Variants in TCF7L2 observed in about 807,000 individuals in gnomAD.
The protein encoded by TCF7L2 is transcription factor 7 like 2.
TCF7L2 carries 23 observed loss-of-function variants against 77.9 expected under a neutral mutation model. The observed-to-expected ratio is 0.30, with a 90% CI of 0.21 to 0.42. The LOEUF (loss-of-function observed/expected upper bound fraction) is 0.42, where lower values mean the gene tolerates loss of function less well. Ranked by LOEUF, TCF7L2 falls within the 10% of genes least tolerant of loss-of-function variation. TCF7L2 has a pLI of 1.00. For missense variants in TCF7L2, 654 were observed against 793.1 expected, an observed-to-expected ratio of 0.82 and a Z score of 2.11; for synonymous variants, 413 against 340.2, an observed-to-expected ratio of 1.21 and a Z score of -2.36.
chr10:113,093,988 G>A (rs1220606138), intron 5 of TCF7L2, among the ~76,000 whole-genome samples: 2 of 152,216 alleles, frequency 1.3e-5, no homozygotes, highest in African/African-American at 2.4e-5. Context: ...CAGTGGCCGG[G>A]GATTAGCGAG....
intron 4 of TCF7L2, among the ~76,000 whole-genome samples, chr10:112,965,290 G>C (rs1216377295): frequency 6.6e-6 from 1 of 152,176 alleles, no homozygotes; most frequent in African/African-American, 2.4e-5. Flanking sequence ...AAATCCGAAG[G>C]CTAAACAAAT....
intron 5 of TCF7L2, among the ~76,000 whole-genome samples, chr10:113,060,010 C>T (rs1421088060): frequency 6.6e-6 from 1 of 152,122 alleles, no homozygotes; most frequent in Non-Finnish European, 1.5e-5. Flanking sequence ...AGATTATCCG[C>T]CCCCGGTGGA....
intron 5 of TCF7L2, among the ~76,000 whole-genome samples, chr10:113,093,095 A>T (rs2060571738): frequency 6.6e-6 from 1 of 152,222 alleles, no homozygotes; most frequent in Admixed American, 6.5e-5. Context: ...ATATTCCCGC[A>T]GTCTGCTCCA....
chr10:113,044,247 C>T (rs924555028), intron 5 of TCF7L2, among the ~76,000 whole-genome samples: 11 of 152,140 alleles, frequency 7.2e-5, no homozygotes, highest in South Asian at 6.2e-4. Context: ...AAAACTCTTA[C>T]GAAATAATGC....
chr10:113,125,472 G>GC, intron 5 of TCF7L2: 1 of 151,680 alleles, frequency 6.6e-6, no homozygotes, highest in East Asian at 2.0e-4. Flanking sequence ...TTAAGATGAT[G>GC]ATATTGTGGG....
intron 5 of TCF7L2, among the ~76,000 whole-genome samples, chr10:113,136,356 T>C (rs1221283541): frequency 1.3e-5 from 2 of 152,176 alleles, no homozygotes; most frequent in Non-Finnish European, 2.9e-5. Flanking sequence ...TGTTCTAAGC[T>C]GATGGTGGTG....
chr10:113,027,849 T>C (rs1195453847), intron 4 of TCF7L2, among the ~76,000 whole-genome samples: 2 of 152,066 alleles, frequency 1.3e-5, no homozygotes, highest in Non-Finnish European at 2.9e-5. Flanking sequence ...CAGCCCTGCT[T>C]CTCTGGGATG....
At chr10:112,956,834 C>T (rs2033740863) in intron 3 of TCF7L2, among the ~76,000 whole-genome samples, 1 of 152,062 alleles carries the variant, frequency 6.6e-6, no homozygotes, top group South Asian at 2.1e-4. Flanking sequence ...ATTCAAGGTC[C>T]GCAGACATTG....
intron 13 of TCF7L2, chr10:113,161,521 C>G: frequency 1.3e-6 from 2 of 1,529,248 alleles, no homozygotes; most frequent in Non-Finnish European, 1.8e-6. Context: ...GTCTCATTTC[C>G]TTTCTTTAAT....
intron 5 of TCF7L2, among the ~76,000 whole-genome samples, chr10:113,119,681 TA>T (rs200785657): frequency 2.4e-4 from 36 of 149,036 alleles, no homozygotes; most frequent in African/African-American, 5.1e-4. Flanking sequence ...TTTTTTTTTT[TA>T]AAAAAACTTA....
rs574100808 is a variant in TCF7L2, at chr10:113,017,006, C to G, written c.451-23019C>G. ...GGCTCATGTCCAGTTTGCAAAGAGC[C>G]CCCAGCAAGCAGAGAAGGGGATTTT... On this transcript the variant is annotated intron_variant, in intron 4 of 13. Coordinates refer to ENST00000627217, the MANE Select transcript of TCF7L2 (RefSeq NM_001146274.2). Among the ~76,000 whole-genome samples the G allele has an allele frequency of 2.0e-4, 31 of 152,232 alleles. No individual in the cohort carries two copies. The South Asian group carries it at 6.2e-3, about 31-fold the overall frequency.
At chr10:112,951,032 G>A in intron 1 of TCF7L2, 87 bp downstream of exon 1, 1 of 1,496,848 alleles carries the variant, frequency 6.7e-7, no homozygotes, top group East Asian at 2.4e-5. Flanking sequence ...ATCGGGGCTG[G>A]GGGCGGCGGC....
At chr10:113,144,504 A>G (rs1198393811) in intron 7 of TCF7L2, among the ~76,000 whole-genome samples, 1 of 152,176 alleles carries the variant, frequency 6.6e-6, no homozygotes, top group East Asian at 1.9e-4. Flanking sequence ...TTTGAAATCC[A>G]GGGTTGGGAT....
intron 12 of TCF7L2, 113 bp downstream of exon 12, chr10:113,158,182 G>A (rs2072361496): frequency 8.8e-7 from 1 of 1,140,378 alleles, no homozygotes; most frequent in African/African-American, 1.6e-5. Flanking sequence ...ACATTGTGGG[G>A]GAACCCTTCT....
chr10:113,022,478 C>CT (rs1186663748), intron 4 of TCF7L2, among the ~76,000 whole-genome samples: 1 of 152,160 alleles, frequency 6.6e-6, no homozygotes, highest in African/African-American at 2.4e-5. Context: ...CACCAGAAAG[C>CT]TGGGGAAATG....
intron 6 of TCF7L2, among the ~76,000 whole-genome samples, chr10:113,143,231 C>T (rs17130192): frequency 0.06 from 9,196 of 152,352 alleles, 358 homozygotes; most frequent in East Asian, 0.091. Context: ...GCGACGCACG[C>T]GGTGCCCATT....
intron 5 of TCF7L2, among the ~76,000 whole-genome samples, chr10:113,127,739 G>T (rs1210885062): frequency 6.6e-6 from 1 of 151,998 alleles, no homozygotes; most frequent in Non-Finnish European, 1.5e-5. Flanking sequence ...TAGTGCGATG[G>T]GATGGCAAAT....
intron 4 of TCF7L2, among the ~76,000 whole-genome samples, chr10:112,985,860 T>TTGTGTGTGTGTG (rs61481377): frequency 0.021 from 3,139 of 146,664 alleles, 47 homozygotes; most frequent in East Asian, 0.067. Flanking sequence ...AGCCTGTAGT[T>TTGTGTGTGTGTG]TGTGTGTGTG....
chr10:113,161,679 C>G (rs1303266856), intron 13 of TCF7L2: 1 of 1,482,758 alleles, frequency 6.7e-7, no homozygotes, highest in Non-Finnish European at 9.1e-7. Flanking sequence ...CCCTTCATGA[C>G]TTTGCCATGT....
Sources: gnomAD v4.1 joint callset for allele counts (sites outside exome capture counted in the v4.1 genomes callset) on GRCh38, gnomAD v4.1.1 for gene constraint, MANE v1.5 for transcripts, NCBI Gene and HGNC (gene_info 2026-07-23, HGNC 2026-07-21) for gene names.